Variants in SEMA6D observed in about 807,000 individuals in gnomAD.
SEMA6D encodes the protein semaphorin-6D.
Under a neutral mutation model 106.6 loss-of-function variants are expected in SEMA6D, and 35 were observed. The observed-to-expected ratio is 0.33, with a 90% CI of 0.25 to 0.44. The LOEUF (loss-of-function observed/expected upper bound fraction) is 0.44. Ranked by LOEUF, SEMA6D falls within the 20% of genes least tolerant of loss-of-function variation. The pLI is 1.00. For synonymous variants in SEMA6D, 499 were observed against 487.7 expected (o/e 1.02, Z -0.31); for missense variants, 1,185 against 1,345.9 (o/e 0.88, Z 1.87).
Position 47,770,794 on chromosome 15 carries a change from G to C in SEMA6D, c.2231G>C (p.Ser744Thr). 6.2e-7 allele frequency: 1 copy of C among 1,614,004 alleles called. No individual in the cohort carries two copies. The highest frequency in any genetic ancestry group is 8.5e-7 in the Non-Finnish European group (1 of 1,179,976). ...AAACTGTATAGTAACCTGCTAACCA[G>C]TCGGAAAGAGCTACCACCCAATGGA... The part of the protein sequence containing the change: ...SPKLYSNLLT[S>T]RKELPPNGDT... The change falls in exon 19 of 19, where the codon AGT becomes ACT. Residue 744 changes from serine (S) to threonine (T), a missense_variant. Coordinates refer to ENST00000536845, the MANE Select transcript of SEMA6D (RefSeq NM_001358351.3).
rs927025965 is a variant in SEMA6D, at chr15:47,773,743, G to A, written c.*1958G>A. The A allele has an allele frequency of 6.6e-6, 1 of 152,562 alleles. No homozygotes were observed. The highest frequency in any genetic ancestry group is 2.4e-5 in the African/African-American group (1 of 41,422). 9.5% of individuals were successfully genotyped at this position (152,562 alleles called of 1,614,324 possible). A position where few individuals can be genotyped will look rare whatever the true frequency, so the allele number is the denominator to read the frequency against. ...TCTGTTCTTGAAACACTTCAGCTTT[G>A]CAACTAAAATATTACAGATTAATAA... On this transcript the variant is annotated 3_prime_UTR_variant, in exon 19 of 19. Transcript: ENST00000536845.
intron 4 of SEMA6D, among the ~76,000 whole-genome samples, chr15:47,614,742 G>A (rs546683426): frequency 1.3e-5 from 2 of 152,282 alleles, no homozygotes; most frequent in South Asian, 2.1e-4. Flanking sequence ...TACAATCATT[G>A]AAATACAAGG....
Position 47,663,006 on chromosome 15 carries a change from A to G in SEMA6D, c.-55+62110A>G, listed in dbSNP as rs558102601. The stretch of plus-strand genomic sequence containing the variant: ...GCTATACTACATGTTGGCAAGAAGT[A>G]GGCTGAAAAGGTAAGTTGAAACCAT... On this transcript the variant is annotated intron_variant, in intron 4 of 19. Transcript: ENST00000558014. 4.6e-5 allele frequency among the ~76,000 whole-genome samples: 7 copies of G among 152,338 alleles called. No individual in the cohort carries two copies. In the South Asian group the frequency reaches 1.4e-3, roughly 32 times the overall value.
chr15:47,413,341 C>A (rs1258304677), intron 2 of SEMA6D, among the ~76,000 whole-genome samples: 1 of 151,892 alleles, frequency 6.6e-6, no homozygotes. Context: ...ATTCTTTGAA[C>A]CCCGTTTTGT....
chr15:47,616,164 CTT>C (rs56275598), intron 4 of SEMA6D, among the ~76,000 whole-genome samples: 15 of 146,584 alleles, frequency 1.0e-4, no homozygotes, highest in African/African-American at 3.2e-4. Flanking sequence ...GACTTAAAAT[CTT>C]TTTTTTTTTT....
intron 1 of SEMA6D, among the ~76,000 whole-genome samples, chr15:47,196,249 T>G (rs77603112): frequency 0.015 from 2,285 of 152,246 alleles, 37 homozygotes; most frequent in Middle Eastern, 0.044. Flanking sequence ...AGAACTGTTC[T>G]CAAGGCGTTT....
intron 15 of SEMA6D, 94 bp downstream of exon 15, chr15:47,766,276 TC>T: frequency 7.2e-6 from 8 of 1,107,330 alleles, no homozygotes; most frequent in South Asian, 3.1e-5. Flanking sequence ...ATACTACTTT[TC>T]TTTTTTTTTG....
Position 47,764,316 on chromosome 15 carries a change from A to C in SEMA6D, c.1097+11A>C, listed in dbSNP as rs1250277781. On this transcript the variant is annotated intron_variant, in intron 11 of 18. Coordinates refer to ENST00000536845, the MANE Select transcript of SEMA6D (RefSeq NM_001358351.3). ...AGTGCCAAAGCCAAGGTAAATAAAA[A>C]AGTAGAAAAGGGTTTTGTCTTGAAC... 3 of 1,609,642 alleles carry C rather than the reference A, an allele frequency of 1.9e-6. No individual in the cohort carries two copies. The highest frequency in any genetic ancestry group is 2.5e-6 in the Non-Finnish European group (3 of 1,178,670).
rs375613609 is a variant in SEMA6D at position 47,305,804 on chromosome 15, C to T, written c.-238-106589C>T. Among the ~76,000 whole-genome samples, 9 of 152,264 alleles carry T rather than the reference C, an allele frequency of 5.9e-5. No homozygotes were observed. The East Asian group carries it at 1.2e-3, about 20-fold the overall frequency. On this transcript the variant is annotated intron_variant, in intron 1 of 19. Coordinates refer to the SEMA6D transcript ENST00000558014. ...ACTTCTGTGAAGGTTGAGATGCCAG[C>T]AAGGCAGCCAAGATAAGTTCTTCAC...
intron 1 of SEMA6D, among the ~76,000 whole-genome samples, chr15:47,253,157 G>A (rs1369781485): frequency 6.6e-6 from 1 of 151,972 alleles, no homozygotes; most frequent in African/African-American, 2.4e-5. Flanking sequence ...ATTTGTATTT[G>A]TATTTACCTA....
intron 1 of SEMA6D, among the ~76,000 whole-genome samples, chr15:47,282,123 A>T (rs1482802405): frequency 1.3e-5 from 2 of 152,168 alleles, no homozygotes; most frequent in Non-Finnish European, 2.9e-5. Context: ...TCATGTGTGC[A>T]TATACATGTA....
At chr15:47,735,907 A>G (rs891407789) in intron 1 of SEMA6D, among the ~76,000 whole-genome samples, 5 of 152,202 alleles carry the variant, frequency 3.3e-5, no homozygotes, top group African/African-American at 1.2e-4. Context: ...TTACTTTGAC[A>G]CTAATCAAGA....
At position 47,196,454 on chromosome 15, in the gene SEMA6D, C is replaced by T. The variant is rs180748227; in HGVS notation, c.-239+12036C>T. Among the ~76,000 whole-genome samples the T allele has an allele frequency of 2.8e-3, 431 of 152,200 alleles. 3 individuals are homozygous for T. Among genetic ancestry groups the T allele is most frequent in the African/African-American group, 9.8e-3 (409 of 41,538 alleles). The stretch of plus-strand genomic sequence containing the variant: ...GTGCCAAAAGAGATCTTTGGTAGAA[C>T]TCTTTAAAGAGGAAAAAAGACAGCC... On this transcript the variant is annotated intron_variant, in intron 1 of 19. Coordinates refer to the SEMA6D transcript ENST00000558014.
intron 4 of SEMA6D, among the ~76,000 whole-genome samples, chr15:47,635,475 T>A (rs941983029): frequency 7.2e-5 from 11 of 152,168 alleles, no homozygotes; most frequent in Non-Finnish European, 1.2e-4. Context: ...GAAGAGATGT[T>A]TTTCCCCAGC....
intron 4 of SEMA6D, among the ~76,000 whole-genome samples, chr15:47,683,771 TC>T (rs2078410527): frequency 6.6e-6 from 1 of 152,232 alleles, no homozygotes; most frequent in South Asian, 2.1e-4. Flanking sequence ...TGATTCCTAT[TC>T]CCTGGGAGTC....
chr15:47,245,075 C>A (rs1347143001), intron 1 of SEMA6D, among the ~76,000 whole-genome samples: 1 of 151,188 alleles, frequency 6.6e-6, no homozygotes, highest in Non-Finnish European at 1.5e-5. Context: ...TATATACTTA[C>A]CACATTTTCT....
At chr15:47,346,648 C>T (rs917235308) in intron 1 of SEMA6D, among the ~76,000 whole-genome samples, 4 of 151,802 alleles carry the variant, frequency 2.6e-5, no homozygotes, top group Non-Finnish European at 4.4e-5. Context: ...TAGTAAGAGC[C>T]GAAGAAAAGA....
intron 2 of SEMA6D, among the ~76,000 whole-genome samples, chr15:47,458,725 G>A (rs2042414850): frequency 6.6e-6 from 1 of 152,000 alleles, no homozygotes; most frequent in African/African-American, 2.4e-5. Flanking sequence ...ATTGGAAAGT[G>A]ACTGATAGTA....
At chr15:47,765,574 C>A in intron 13 of SEMA6D, 1 of 551,544 alleles carries the variant, frequency 1.8e-6, no homozygotes. Flanking sequence ...AATTTATATG[C>A]ATTAAAGCAC....
Sources: allele counts gnomAD v4.1 joint callset (sites outside exome capture counted in the v4.1 genomes callset), GRCh38; gene constraint gnomAD v4.1.1; transcripts MANE v1.5; gene names NCBI Gene and HGNC (gene_info 2026-07-23, HGNC 2026-07-21).